The following PMS1 variants were observed in gnomAD, a reference collection of about 807,000 sequenced individuals.
The protein encoded by PMS1 is PMS1 homolog 1, mismatch repair system component, also known as PMS1 protein homolog 1.
PMS1 carries 79 observed loss-of-function variants against 93.1 expected under a neutral mutation model. The observed-to-expected ratio is 0.85, with a 90% CI of 0.71 to 1.02. The LOEUF is 1.02. PMS1 is among the 50% of genes least tolerant of loss of function. The pLI is 0.00. For synonymous variants in PMS1, 335 were observed against 363.4 expected (o/e 0.92, Z 0.89); for missense variants, 1,064 against 1,085.3 (o/e 0.98, Z 0.28).
intron 5 of PMS1, among the ~76,000 whole-genome samples, chr2:189,819,057 T>C (rs1287507625): frequency 5.3e-5 from 8 of 152,220 alleles, no homozygotes; most frequent in Admixed American, 5.2e-4. Context: ...CCTCCCTCTC[T>C]ACCTTTGTGA....
chr2:189,843,836 A>C, intron 5 of PMS1, 128 bp from the exon 6 acceptor site: 2 of 782,846 alleles, frequency 2.6e-6, no homozygotes, highest in Non-Finnish European at 4.3e-6. Context: ...TAGCTCATGA[A>C]TCTCTTCTAA....
intron 5 of PMS1, among the ~76,000 whole-genome samples, chr2:189,831,978 G>A (rs2052982665): frequency 1.3e-5 from 2 of 151,934 alleles, no homozygotes; most frequent in Admixed American, 1.3e-4. Flanking sequence ...TGATCCTCCC[G>A]CCTCGGCCTC....
chr2:189,804,681 T>C (rs1370953816), intron 3 of PMS1, among the ~76,000 whole-genome samples: 4 of 152,170 alleles, frequency 2.6e-5, no homozygotes, highest in African/African-American at 7.2e-5. Context: ...CCTTCAAATA[T>C]AGACCCACTT....
chr2:189,838,337 G>A (rs2053556014), intron 5 of PMS1, among the ~76,000 whole-genome samples: 1 of 151,480 alleles, frequency 6.6e-6, no homozygotes, highest in African/African-American at 2.4e-5. Context: ...TTTTCCCTAG[G>A]GAAAAAAAAA....
chr2:189,785,489 C>A (rs1396189951), intron 1 of PMS1: 1 of 152,164 alleles, frequency 6.6e-6, no homozygotes, highest in Non-Finnish European at 1.5e-5. Context: ...CGATATAAAC[C>A]CTTCCATTTG....
chr2:189,800,193 C>G (rs1441185596), intron 3 of PMS1, among the ~76,000 whole-genome samples: 1 of 152,164 alleles, frequency 6.6e-6, no homozygotes, highest in Non-Finnish European at 1.5e-5. Flanking sequence ...ATAGTGTGTT[C>G]AAGGCAAAGC....
chr2:189,844,222 C>T, intron 6 of PMS1, 142 bp downstream of exon 6: 1 of 1,363,946 alleles, frequency 7.3e-7, no homozygotes, highest in Non-Finnish European at 9.9e-7. Flanking sequence ...ACAGTCAATA[C>T]AGAGCTTATG....
At chr2:189,844,620 G>T (rs1372687295) in intron 6 of PMS1, among the ~76,000 whole-genome samples, 14 of 142,472 alleles carry the variant, frequency 9.8e-5, no homozygotes, top group African/African-American at 3.9e-4. Flanking sequence ...CTCCAGCCTG[G>T]GTGACAGAGT....
chr2:189,829,122 A>G (rs369476752), intron 5 of PMS1, among the ~76,000 whole-genome samples: 4 of 152,186 alleles, frequency 2.6e-5, no homozygotes, highest in Admixed American at 6.5e-5. Context: ...TTTTTAATGC[A>G]TCATTCATCC....
chr2:189,851,467 TATC>T (rs1228020898), intron 6 of PMS1, among the ~76,000 whole-genome samples: 1 of 152,220 alleles, frequency 6.6e-6, no homozygotes, highest in East Asian at 1.9e-4. Flanking sequence ...AATTAAGTAG[TATC>T]ATTTTATAAT....
intron 3 of PMS1, among the ~76,000 whole-genome samples, chr2:189,796,160 A>G (rs538335499): frequency 6.6e-6 from 1 of 152,270 alleles, no homozygotes; most frequent in South Asian, 2.1e-4. Flanking sequence ...GGAGTTCGAG[A>G]CTAGCCTGGC....
chr2:189,842,487 C>G (rs1357034695), intron 5 of PMS1, among the ~76,000 whole-genome samples: 1 of 152,146 alleles, frequency 6.6e-6, no homozygotes, highest in Non-Finnish European at 1.5e-5. Context: ...TGCAGTATGT[C>G]AAATCTGATT....
chr2:189,816,272 A>G (rs2051291332), intron 4 of PMS1, among the ~76,000 whole-genome samples: 2 of 152,330 alleles, frequency 1.3e-5, no homozygotes, highest in South Asian at 2.1e-4. Context: ...TTTGGGTGCT[A>G]TACTTCTGGA....
At chr2:189,815,915 C>T (rs1016983150) in intron 4 of PMS1, among the ~76,000 whole-genome samples, 5 of 152,004 alleles carry the variant, frequency 3.3e-5, no homozygotes, top group Non-Finnish European at 7.4e-5. Flanking sequence ...CTTTTTTTCC[C>T]CCCTTAGAAA....
chr2:189,872,781 T>C (rs1273348476), intron 11 of PMS1, among the ~76,000 whole-genome samples: 1 of 152,092 alleles, frequency 6.6e-6, no homozygotes. Flanking sequence ...TACAGGCACG[T>C]ACCACCACAC....
chr2:189,801,227 T>C (rs2049862018), intron 3 of PMS1, among the ~76,000 whole-genome samples: 1 of 152,202 alleles, frequency 6.6e-6, no homozygotes, highest in African/African-American at 2.4e-5. Context: ...TCATGATCTG[T>C]GATGAGTATA....
Position 189,788,005 on chromosome 2 carries a change from AT to A in PMS1, c.-21+3413del, listed in dbSNP as rs531990352. Among the ~76,000 whole-genome samples, 10 of 152,292 alleles carry A rather than the reference AT, an allele frequency of 6.6e-5. No individual in the cohort carries two copies. In the South Asian group the frequency reaches 1.9e-3, roughly 28 times the overall value. Reference sequence around the variant, plus strand: ...GACAGAATTCATGCTATGAATTGCCATGATCTTAGTAAACTAGAAGAATGAG... The same window carrying A: ...GACAGAATTCATGCTATGAATTGCCAGATCTTAGTAAACTAGAAGAATGAG... On this transcript the variant is annotated intron_variant, in intron 1 of 12. Transcript: ENST00000441310.
intron 6 of PMS1, among the ~76,000 whole-genome samples, chr2:189,847,290 C>T (rs1399741904): frequency 2.0e-5 from 3 of 152,126 alleles, no homozygotes; most frequent in East Asian, 1.9e-4. Context: ...ATTTCTTTCT[C>T]AGCCCCAGGT....
intron 3 of PMS1, among the ~76,000 whole-genome samples, chr2:189,801,170 A>G (rs2049857385): frequency 6.6e-6 from 1 of 152,134 alleles, no homozygotes; most frequent in Admixed American, 6.5e-5. Context: ...CATTCTTTTT[A>G]TATCTGCAGA....
Sources: gnomAD v4.1 joint callset for allele counts (sites outside exome capture counted in the v4.1 genomes callset) on GRCh38, gnomAD v4.1.1 for gene constraint, MANE v1.5 for transcripts, NCBI Gene and HGNC (gene_info 2026-07-23, HGNC 2026-07-21) for gene names.